Variants in SLC35F3 observed in about 807,000 individuals in gnomAD.
SLC35F3 encodes the protein putative thiamine transporter SLC35F3.
Under a neutral mutation model 49.9 loss-of-function variants are expected in SLC35F3, and 25 were observed. The ratio of observed to expected loss-of-function variants is 0.50; its 90% CI spans 0.37 to 0.70. The LOEUF (loss-of-function observed/expected upper bound fraction) is 0.70, where lower values mean the gene tolerates loss of function less well. SLC35F3 is among the 30% of genes least tolerant of loss of function. The pLI, the probability that SLC35F3 is intolerant of heterozygous loss-of-function variation, is 0.00. For missense variants in SLC35F3, 525 were observed against 639.8 expected (o/e 0.82, Z 1.94); for synonymous variants, 275 against 265.4 (o/e 1.04, Z -0.35).
chr1:234,005,614 G>T (rs1380614259), intron 2 of SLC35F3, among the ~76,000 whole-genome samples: 1 of 152,222 alleles, frequency 6.6e-6, no homozygotes, highest in Non-Finnish European at 1.5e-5. Flanking sequence ...GGGGATGACT[G>T]TTTGGTGATA....
In SLC35F3 at chr1:234,231,722, T is replaced by G; in HGVS notation, c.589T>G (p.Ser197Ala). 6.2e-7 allele frequency: 1 copy of G among 1,611,532 alleles called. No individual in the cohort carries two copies. Among genetic ancestry groups the G allele is most frequent in the Non-Finnish European group, 8.5e-7 (1 of 1,178,294 alleles). ...GHVCKSTEKQSVKQRYRECCR... is the reference protein window; with the variant it reads ...GHVCKSTEKQAVKQRYRECCR... ...CGTCTGCAAGTCCACAGAGAAGCAG[T>G]CTGTGAAGCAGCGATACAGGTAGGC... is the stretch of plus-strand genomic sequence containing the variant. Residue 197 changes from serine (S) to alanine (A), a missense_variant, in exon 3 of 8, where the codon TCT (serine) becomes GCT (alanine). Transcript: ENST00000366618. This position sits in a 1 kb window ranked among gnomAD's most constrained non-coding sequence, Gnocchi z 5.4.
chr1:234,310,305 C>A (rs1167593501), intron 4 of SLC35F3, among the ~76,000 whole-genome samples: 1 of 152,218 alleles, frequency 6.6e-6, no homozygotes, highest in African/African-American at 2.4e-5. Context: ...GCCACCAGTG[C>A]AGGGCCCTCT....
chr1:233,954,416 G>A (rs1472373456), intron 2 of SLC35F3, among the ~76,000 whole-genome samples: 5 of 152,218 alleles, frequency 3.3e-5, no homozygotes, highest in Admixed American at 2.0e-4. Flanking sequence ...CAGGAGTTAG[G>A]CCAGGGAAAG....
intron 3 of SLC35F3, among the ~76,000 whole-genome samples, chr1:234,253,481 T>C (rs1375622722): frequency 2.7e-5 from 4 of 150,618 alleles, no homozygotes; most frequent in Admixed American, 2.0e-4. Context: ...AGAATAGATA[T>C]TTGTATGGCT....
At chr1:234,092,810 G>A (rs1665063824) in intron 2 of SLC35F3, among the ~76,000 whole-genome samples, 1 of 152,208 alleles carries the variant, frequency 6.6e-6, no homozygotes, top group Non-Finnish European at 1.5e-5. Context: ...CGAGGCTGCA[G>A]TGACCCATAA....
At chr1:234,180,184 C>T (rs1007523172) in intron 2 of SLC35F3, among the ~76,000 whole-genome samples, 2 of 152,126 alleles carry the variant, frequency 1.3e-5, no homozygotes, top group African/African-American at 2.4e-5. Context: ...TGGTCATCTC[C>T]CCACTGTGGG....
At chr1:233,982,449 A>G (rs1663201711) in intron 2 of SLC35F3, among the ~76,000 whole-genome samples, 1 of 152,046 alleles carries the variant, frequency 6.6e-6, no homozygotes, top group Admixed American at 6.6e-5. Context: ...ACCTTGGCTC[A>G]GTGCAACCTC....
intron 3 of SLC35F3, among the ~76,000 whole-genome samples, chr1:234,250,885 C>G (rs1264196895): frequency 3.9e-5 from 6 of 152,076 alleles, no homozygotes; most frequent in Admixed American, 3.3e-4. Context: ...CTCATTACTG[C>G]AAAGACTGCA....
chr1:234,150,675 G>A (rs2102908305), intron 2 of SLC35F3, among the ~76,000 whole-genome samples: 1 of 152,330 alleles, frequency 6.6e-6, no homozygotes, highest in South Asian at 2.1e-4. Context: ...GATGGTAGCA[G>A]AGGCAGTGTC....
intron 3 of SLC35F3, among the ~76,000 whole-genome samples, chr1:234,235,949 C>T (rs12068795): frequency 0.029 from 4,351 of 152,196 alleles, 200 homozygotes; most frequent in African/African-American, 0.097. Flanking sequence ...AGTTGCAAAC[C>T]GGAGCTTTGT....
rs1221927526 is a variant in SLC35F3, at chr1:234,004,796, C to G, written c.283+99038C>G. ...AATTTTCTGATAAATGCACCTGTAT[C>G]ATGCCCCCAGTACATGAGTCACTGT... On this transcript the variant is annotated intron_variant, in intron 2 of 7. Transcript: ENST00000366618. Among the ~76,000 whole-genome samples the G allele has an allele frequency of 3.3e-5, 5 of 152,240 alleles. No homozygotes were observed. In the East Asian group the frequency reaches 9.6e-4, roughly 29 times the overall value.
chr1:234,124,905 T>C (rs1665625533), intron 2 of SLC35F3, among the ~76,000 whole-genome samples: 1 of 152,204 alleles, frequency 6.6e-6, no homozygotes, highest in South Asian at 2.1e-4. Flanking sequence ...GGAGACTCTG[T>C]GTCTATGTGT....
intron 2 of SLC35F3, among the ~76,000 whole-genome samples, chr1:234,108,646 GA>G (rs1433065173): frequency 2.1e-4 from 21 of 100,822 alleles, no homozygotes; most frequent in African/African-American, 7.6e-4. Flanking sequence ...ATATATAAAA[GA>G]TACATATATT....
chr1:234,248,029 C>T (rs1304901962), intron 3 of SLC35F3, among the ~76,000 whole-genome samples: 2 of 151,792 alleles, frequency 1.3e-5, no homozygotes, highest in African/African-American at 4.8e-5. Flanking sequence ...ATTGGCTGGT[C>T]CATTGTTTGG....
chr1:234,021,141 G>A (rs898285276), intron 2 of SLC35F3, among the ~76,000 whole-genome samples: 21 of 152,156 alleles, frequency 1.4e-4, no homozygotes, highest in African/African-American at 5.1e-4. Context: ...TTGATGCCAA[G>A]ACAGAGCTTG....
rs553475490 is a variant in SLC35F3 at position 234,214,844 on chromosome 1, A to T, written c.284-16573A>T. ...CTCCTTCCTGGGCAGCACCCAGCGC[A>T]TCTGGCAGCAGCTGCACCCTCACCT... On this transcript the variant is annotated intron_variant, in intron 2 of 7. Coordinates refer to ENST00000366618, the MANE Select transcript of SLC35F3 (RefSeq NM_173508.4). This position sits in a 1 kb window ranked among gnomAD's most constrained non-coding sequence, Gnocchi z 8.0. The T allele has an allele frequency of 1.9e-4, 75 of 404,272 alleles. No individual in the cohort carries two copies. In the East Asian group the frequency reaches 2.9e-3, roughly 16 times the overall value. 25.0% of individuals were successfully genotyped at this position (404,272 alleles called of 1,614,324 possible). A position where few individuals can be genotyped will look rare whatever the true frequency, so the allele number is the denominator to read the frequency against.
chr1:234,243,347 C>CA (rs917901941), intron 3 of SLC35F3, among the ~76,000 whole-genome samples: 7 of 150,656 alleles, frequency 4.6e-5, no homozygotes, highest in Admixed American at 1.3e-4. Flanking sequence ...GACTCCGCCT[C>CA]AAAAAAAAAT....
chr1:234,067,558 T>C, intron 2 of SLC35F3, among the ~76,000 whole-genome samples: 1 of 152,300 alleles, frequency 6.6e-6, no homozygotes, highest in East Asian at 1.9e-4. Context: ...TTTTGAGCCC[T>C]GAAATCTGGG....
At chr1:234,311,449 G>A (rs1464343504) in intron 4 of SLC35F3, among the ~76,000 whole-genome samples, 2 of 152,224 alleles carry the variant, frequency 1.3e-5, no homozygotes, top group Non-Finnish European at 2.9e-5. Context: ...CTGGAGGGCT[G>A]AGCATATGAG....
Sources: allele counts gnomAD v4.1 joint callset (sites outside exome capture counted in the v4.1 genomes callset), GRCh38; gene constraint gnomAD v4.1.1; non-coding constraint Gnocchi (gnomAD v3.1); transcripts MANE v1.5; gene names NCBI Gene and HGNC (gene_info 2026-07-23, HGNC 2026-07-21).